Variants in FAM168A observed in about 807,000 individuals in gnomAD.
The protein encoded by FAM168A is protein FAM168A.
FAM168A carries 3 observed loss-of-function variants against 28.5 expected under a neutral mutation model. That is an observed-to-expected ratio of 0.11 (90% CI 0.05 to 0.27). FAM168A has a LOEUF of 0.27. FAM168A is among the 10% of genes least tolerant of loss of function. The pLI, the probability that FAM168A is intolerant of heterozygous loss-of-function variation, is 1.00. For missense variants in FAM168A, 222 were observed against 311.5 expected (o/e 0.71, Z 2.16); for synonymous variants, 122 against 124.2 (o/e 0.98, Z 0.12).
At chr11:73,528,284 C>T (rs1943470634) in intron 1 of FAM168A, among the ~76,000 whole-genome samples, 1 of 152,164 alleles carries the variant, frequency 6.6e-6, no homozygotes, top group African/African-American at 2.4e-5. Flanking sequence ...GAAAGTCAGG[C>T]ATTCCTAGCC....
intron 1 of FAM168A, chr11:73,580,295 C>A: frequency 1.8e-6 from 1 of 567,666 alleles, no homozygotes; most frequent in South Asian, 1.4e-5. Flanking sequence ...GAGATAAAGC[C>A]AAGGTGAAGG....
chr11:73,515,082 T>C (rs1943283521), intron 1 of FAM168A, among the ~76,000 whole-genome samples: 1 of 152,222 alleles, frequency 6.6e-6, no homozygotes, highest in Non-Finnish European at 1.5e-5. Flanking sequence ...CAAGGAGTGA[T>C]AGAGGTGCCA....
At chr11:73,528,933 A>G (rs1943481444) in intron 1 of FAM168A, among the ~76,000 whole-genome samples, 1 of 152,216 alleles carries the variant, frequency 6.6e-6, no homozygotes, top group African/African-American at 2.4e-5. Flanking sequence ...TGCCAGAGCA[A>G]GAAAAGAGAC....
At chr11:73,509,281 T>C (rs990232243) in intron 1 of FAM168A, among the ~76,000 whole-genome samples, 1 of 152,154 alleles carries the variant, frequency 6.6e-6, no homozygotes, top group Non-Finnish European at 1.5e-5. Context: ...GTATAAAGTG[T>C]GTTAGGAAGG....
intron 1 of FAM168A, among the ~76,000 whole-genome samples, chr11:73,481,671 A>C (rs1345925817): frequency 6.6e-6 from 1 of 152,174 alleles, no homozygotes; most frequent in East Asian, 1.9e-4. Context: ...ATATAGTATA[A>C]AAATATTGGG....
chr11:73,577,230 C>G (rs1944188211), intron 1 of FAM168A, among the ~76,000 whole-genome samples: 1 of 152,140 alleles, frequency 6.6e-6, no homozygotes, highest in East Asian at 1.9e-4. Context: ...TCCCAACAAC[C>G]CTCTGAGGTA....
intron 1 of FAM168A, chr11:73,580,509 G>T (rs1944230330): frequency 3.3e-6 from 2 of 609,474 alleles, no homozygotes; most frequent in East Asian, 7.9e-5. Flanking sequence ...GAAGGTGCTG[G>T]AGATGCCAAG....
intron 1 of FAM168A, among the ~76,000 whole-genome samples, chr11:73,516,404 T>A (rs1336044617): frequency 6.6e-6 from 1 of 152,186 alleles, no homozygotes; most frequent in Non-Finnish European, 1.5e-5. Context: ...AAGTGCCTGA[T>A]AAACTGAGAT....
rs751430743 is a variant in FAM168A at position 73,411,448 on chromosome 11, C to A, written c.366G>T (p.Gln122His). The change falls in exon 5 of 8, where the codon CAG (glutamine) becomes CAT (histidine). Residue 122 changes from glutamine to histidine, a missense_variant. This residue lies in a region of FAM168A where 153 missense variants were observed against 189.2 expected (regional missense o/e 0.81). Transcript: ENST00000356467. ...CACTTCTGATTGGATACATGGCCGT[C>A]TGATAGGGGTTGGGTGATGGGGAGT... is the stretch of plus-strand genomic sequence containing the variant. ...PPYSPSPNPY[Q>H]TAMYPIRSAY... The A allele has an allele frequency of 6.2e-7, 1 of 1,613,212 alleles. No homozygotes were observed. Among genetic ancestry groups the A allele is most frequent in the Admixed American group, 1.7e-5 (1 of 59,940 alleles).
chr11:73,501,264 T>G, intron 1 of FAM168A, among the ~76,000 whole-genome samples: 1 of 152,210 alleles, frequency 6.6e-6, no homozygotes, highest in East Asian at 1.9e-4. Context: ...AACACCCCAC[T>G]GTCAGTATCA....
chr11:73,583,322 C>CA (rs1486169310), intron 1 of FAM168A, among the ~76,000 whole-genome samples: 7 of 151,636 alleles, frequency 4.6e-5, no homozygotes, highest in Admixed American at 6.6e-5. Flanking sequence ...AACAAACAAA[C>CA]AAAAAAAACT....
At chr11:73,554,658 A>G (rs189621138) in intron 1 of FAM168A, among the ~76,000 whole-genome samples, 6 of 152,220 alleles carry the variant, frequency 3.9e-5, no homozygotes, top group Non-Finnish European at 7.3e-5. Flanking sequence ...AGATCATTAG[A>G]ATCTCTGCTA....
chr11:73,413,961 G>T (rs1866658505), intron 4 of FAM168A, among the ~76,000 whole-genome samples: 3 of 152,154 alleles, frequency 2.0e-5, no homozygotes, highest in Admixed American at 2.0e-4. Flanking sequence ...TACTTGGGAG[G>T]CTGAGGCATG....
At chr11:73,412,800 C>T (rs1396989159) in intron 4 of FAM168A, among the ~76,000 whole-genome samples, 1 of 152,150 alleles carries the variant, frequency 6.6e-6, no homozygotes, top group Non-Finnish European at 1.5e-5. Flanking sequence ...CTCACTGAAC[C>T]TCTCTGGGCT....
intron 1 of FAM168A, among the ~76,000 whole-genome samples, chr11:73,482,919 T>C (rs1867987308): frequency 6.6e-6 from 1 of 152,068 alleles, no homozygotes; most frequent in South Asian, 2.1e-4. Flanking sequence ...TTTGTATTTT[T>C]AGTAGAGACG....
At chr11:73,473,818 CTT>C (rs879663676) in intron 1 of FAM168A, among the ~76,000 whole-genome samples, 2 of 145,812 alleles carry the variant, frequency 1.4e-5, no homozygotes. Context: ...TCCTTTCTTA[CTT>C]TTTTTTTTTT....
At chr11:73,534,429 G>A (rs957117729) in intron 1 of FAM168A, among the ~76,000 whole-genome samples, 4 of 149,194 alleles carry the variant, frequency 2.7e-5, no homozygotes, top group Non-Finnish European at 5.9e-5. Flanking sequence ...TTGAGACGGA[G>A]TCTCACTCTG....
chr11:73,452,684 C>T (rs1031546447), intron 2 of FAM168A, among the ~76,000 whole-genome samples: 1 of 151,906 alleles, frequency 6.6e-6, no homozygotes, highest in Non-Finnish European at 1.5e-5. Flanking sequence ...CTATCCTGAC[C>T]CTCTCTCTCC....
intron 1 of FAM168A, among the ~76,000 whole-genome samples, chr11:73,488,894 T>C (rs991541808): frequency 2.0e-5 from 3 of 152,204 alleles, no homozygotes; most frequent in Non-Finnish European, 4.4e-5. Flanking sequence ...ATTTCTTTCT[T>C]TGTTTTTTTC....
Sources: gnomAD v4.1 joint callset for allele counts (sites outside exome capture counted in the v4.1 genomes callset) on GRCh38, gnomAD v4.1.1 for gene constraint, gnomAD v4.1.1 regional missense constraint, MANE v1.5 for transcripts, NCBI Gene and HGNC (gene_info 2026-07-23, HGNC 2026-07-21) for gene names.